Variants in SNX17 observed in about 807,000 individuals in gnomAD.
SNX17 encodes sorting nexin-17.
Under a neutral mutation model 64.3 loss-of-function variants are expected in SNX17, and 35 were observed. That is an observed-to-expected ratio of 0.54 (90% CI 0.42 to 0.72). SNX17 has a LOEUF of 0.72. Ranked by LOEUF, SNX17 falls within the 30% of genes least tolerant of loss-of-function variation. The pLI is 0.00. For missense variants in SNX17, 538 were observed against 610.0 expected, an observed-to-expected ratio of 0.88 and a Z score of 1.24; for synonymous variants, 259 against 230.2, an observed-to-expected ratio of 1.13 and a Z score of -1.13.
rs908953940 is a variant in SNX17 at position 27,370,736 on chromosome 2, T to A, written c.-8T>A. 3 of 1,548,112 alleles carry A rather than the reference T, an allele frequency of 1.9e-6. No individual in the cohort carries two copies. Among genetic ancestry groups the A allele is most frequent in the Non-Finnish European group, 2.6e-6 (3 of 1,145,678 alleles). On this transcript the variant is annotated 5_prime_UTR_variant, in exon 1 of 15. Transcript: ENST00000233575. ...TCCGGAGCCCGGCCGTGCCGTGCCG[T>A]AGGGAACATGCACTTTTCCATTCCC... is the stretch of plus-strand genomic sequence containing the variant.
At chr2:27,372,889 G>C (rs1528533) in intron 3 of SNX17, 149 bp downstream of exon 3, 497,567 of 1,242,830 alleles carry the variant, frequency 0.4, 105,222 homozygotes, top group African/African-American at 0.65. Context: ...AGTAAATAGT[G>C]TACGAGGATG....
At chr2:27,374,007 T>C in intron 5 of SNX17, 36 bp downstream of exon 5, 1 of 1,605,056 alleles carries the variant, frequency 6.2e-7, no homozygotes, top group South Asian at 1.1e-5. Flanking sequence ...CTTCTTCCCC[T>C]ACATCCTGGG....
In SNX17 at chr2:27,375,892, G is replaced by A. The variant is rs139268412; in HGVS notation, c.1025G>A (p.Gly342Asp). 1.2e-6 allele frequency: 2 copies of A among 1,614,070 alleles called. No homozygotes were observed. The highest frequency in any genetic ancestry group is 1.3e-5 in the African/African-American group (1 of 74,918). Residue 342 changes from glycine (G) to aspartate (D), a missense_variant, in exon 11 of 15, where the codon GGT (glycine) becomes GAT (aspartate). Transcript: ENST00000233575. The surrounding 1 kb of genome is among the most constrained non-coding windows in gnomAD (Gnocchi z 4.1). ...ACGAGCAGCCCAGGCCGGGGCCGGGGTGAGGTGCGCCTGGAACTGGCTTTT... is the reference window on the plus strand; with the variant it reads ...ACGAGCAGCCCAGGCCGGGGCCGGGATGAGGTGCGCCTGGAACTGGCTTTT... ...GSTSSPGRGR[G>D]EVRLELAFEY... is the part of the protein sequence containing the mutation.
intron 2 of SNX17, among the ~76,000 whole-genome samples, chr2:27,372,347 A>G (rs560193758): frequency 6.6e-6 from 1 of 152,306 alleles, no homozygotes; most frequent in East Asian, 1.9e-4. Flanking sequence ...TAGGTGGTCA[A>G]GGGGCTCCCT....
In SNX17 at chr2:27,375,471, TC is replaced by T. The variant is rs763292613; in HGVS notation, c.775-33del. 1.2e-6 allele frequency: 2 copies of T among 1,612,532 alleles called. No homozygotes were observed. The highest frequency in any genetic ancestry group is 2.2e-5 in the South Asian group (2 of 91,054). ...TTTTTCTGAGCTGCCCCATTCTCCC[TC>T]CTAATCTACCCCCATGTGATGACCA... On this transcript the variant is annotated intron_variant, in intron 9 of 14. Coordinates refer to ENST00000233575, the MANE Select transcript of SNX17 (RefSeq NM_014748.4). The surrounding 1 kb of genome is among the most constrained non-coding windows in gnomAD (Gnocchi z 4.1).
At chr2:27,376,554 T>TGGGGGATCTTGCAC in intron 14 of SNX17, 34 bp downstream of exon 14, 5 of 1,614,168 alleles carry the variant, frequency 3.1e-6, no homozygotes, top group Non-Finnish European at 4.2e-6. Context: ...TGCTGTTTGT[T>TGGGGGATCTTGCAC]GGGGGATCTT....
rs1482296643 is a variant in SNX17 at position 27,377,246 on chromosome 2, T to C, written c.*527T>C. On this transcript the variant is annotated 3_prime_UTR_variant, in exon 15 of 15. Coordinates refer to ENST00000233575, the MANE Select transcript of SNX17 (RefSeq NM_014748.4). The surrounding 1 kb of genome is among the most constrained non-coding windows in gnomAD (Gnocchi z 4.4). ...AGCATAGACATGGCTTTGTTAGTGT[T>C]TCCTTTATTATAAAGCACTGAAATA... 55 of 562,246 alleles carry C rather than the reference T, an allele frequency of 9.8e-5. No homozygotes were observed. In the Admixed American group the frequency reaches 1.6e-3, roughly 16 times the overall value. The allele number at this position is 562,246 out of a possible 1,614,324, so 34.8% of individuals were successfully genotyped here.
chr2:27,374,394 G>A lies in SNX17; in HGVS notation c.572G>A (p.Ser191Asn). The A allele has an allele frequency of 6.2e-7, 1 of 1,613,878 alleles. No homozygotes were observed. Among genetic ancestry groups the A allele is most frequent in the Non-Finnish European group, 8.5e-7 (1 of 1,180,014 alleles). The change falls in exon 7 of 15, where the codon AGC becomes AAC. Residue 191 changes from serine to asparagine, a missense_variant. Ser to Asn is a conservative substitution (Grantham distance 46, BLOSUM62 1). Around this residue, in one of 3 missense-constraint regions of SNX17, gnomAD observed 505 missense variants for 550.4 expected, o/e 0.92. Transcript: ENST00000233575. ...GAGCTGCCTTATGTGTCTGTCACCAGCCTTCGGAGTCAAGAGTATAAGATT... is the reference window on the plus strand; with the variant it reads ...GAGCTGCCTTATGTGTCTGTCACCAACCTTCGGAGTCAAGAGTATAAGATT... ...EFELPYVSVTSLRSQEYKIVL... is the reference protein window; with the variant it reads ...EFELPYVSVTNLRSQEYKIVL...
rs775077129 is a variant in SNX17, at chr2:27,374,405, C to G, written c.583C>G (p.Gln195Glu). The G allele has an allele frequency of 6.2e-7, 1 of 1,613,288 alleles. No individual in the cohort carries two copies. Among genetic ancestry groups the G allele is most frequent in the Admixed American group, 1.7e-5 (1 of 59,924 alleles). ...TGTGTCTGTCACCAGCCTTCGGAGT[C>G]AAGAGTATAAGATTGTGCTAAGGAA... ...PYVSVTSLRSQEYKIVLRKSY... is the reference protein window; with the variant it reads ...PYVSVTSLRSEEYKIVLRKSY... The change falls in exon 7 of 15, where the codon CAA (glutamine) becomes GAA (glutamate). Residue 195 changes from glutamine (Q) to glutamate (E), a missense_variant. By Grantham distance (29) the Gln-to-Glu change is conservative (BLOSUM62 2). Coordinates refer to ENST00000233575, the MANE Select transcript of SNX17 (RefSeq NM_014748.4).
Position 27,375,613 on chromosome 2 carries a change from C to T in SNX17, c.882C>T (p.Asn294=). 1 of 1,614,218 alleles carries T rather than the reference C, an allele frequency of 6.2e-7. No individual in the cohort carries two copies. The highest frequency in any genetic ancestry group is 1.1e-5 in the South Asian group (1 of 91,090). Residue 294 remains asparagine (N), a synonymous_variant, in exon 10 of 15, where the codon AAC becomes AAT. Transcript: ENST00000233575. This position sits in a 1 kb window ranked among gnomAD's most constrained non-coding sequence, Gnocchi z 4.1. Reference sequence around the variant, plus strand: ...GTCCTGTGGTGGTGAGCGCGGGCAACAGTGAGCTCAGCCTGCAGCTCCGCC... The same window carrying T: ...GTCCTGTGGTGGTGAGCGCGGGCAATAGTGAGCTCAGCCTGCAGCTCCGCC... ...KDCPVVVSAG[N]SELSLQLRLP... is the part of the protein sequence containing the mutation.
At position 27,374,732 on chromosome 2, in the gene SNX17, G is replaced by C. The variant is rs201646831; in HGVS notation, c.655G>C (p.Val219Leu). ...TGATGACGATGTCATGGAGAACCGG[G>C]TTGGCCTGAACCTGCTTTATGCTCA... The part of the protein sequence containing the change: ...AYDDDVMENR[V>L]GLNLLYAQTV... The change falls in exon 8 of 15, where the codon GTT (valine) becomes CTT (leucine). Residue 219 changes from valine to leucine, a missense_variant. Physicochemically the swap from Val to Leu is conservative, Grantham distance 32. This residue lies in a region of SNX17 where 505 missense variants were observed against 550.4 expected (regional missense o/e 0.92). Transcript: ENST00000233575. The C allele has an allele frequency of 6.2e-7, 1 of 1,614,116 alleles. No homozygotes were observed.
Position 27,370,655 on chromosome 2 carries a change from CG to C in SNX17, c.-85del. On this transcript the variant is annotated 5_prime_UTR_variant, in exon 1 of 15. The change abolishes the stop of an existing upstream ORF in the 5' untranslated region. Transcript: ENST00000233575. ...GCTCCCAAAATGGCGAGTGAGGCTGCGGGGACTCGCTGAGCAGCGGAGGGGG... is the reference window on the plus strand; with the variant it reads ...GCTCCCAAAATGGCGAGTGAGGCTGCGGGACTCGCTGAGCAGCGGAGGGGG... 1 of 1,470,328 alleles carries C rather than the reference CG, an allele frequency of 6.8e-7. No individual in the cohort carries two copies. The allele number at this position is 1,470,328 out of a possible 1,614,324, so 91.1% of individuals were successfully genotyped here.
At position 27,377,120 on chromosome 2, in the gene SNX17, T is replaced by G; in HGVS notation, c.*401T>G. The G allele has an allele frequency of 2.5e-6, 1 of 407,634 alleles. No homozygotes were observed. The allele number at this position is 407,634 out of a possible 1,614,324, so 25.3% of individuals were successfully genotyped here. ...TCCCCATCATTAAACTCAGCCTGAC[T>G]GCTGCCTACCTCTGGTTCCCTCTCA... On this transcript the variant is annotated 3_prime_UTR_variant, in exon 15 of 15. Transcript: ENST00000233575. The surrounding 1 kb of genome is among the most constrained non-coding windows in gnomAD (Gnocchi z 4.4).
chr2:27,373,727 G>A, intron 4 of SNX17, 134 bp from the exon 5 acceptor site: 1 of 656,322 alleles, frequency 1.5e-6, no homozygotes, highest in Non-Finnish European at 2.7e-6. Flanking sequence ...CTATTCTTAT[G>A]AAATCAAAGA....
In SNX17 at chr2:27,376,332, G is replaced by T; in HGVS notation, c.1202G>T (p.Gly401Val). 6.2e-7 allele frequency: 1 copy of T among 1,612,272 alleles called. No individual in the cohort carries two copies. The highest frequency in any genetic ancestry group is 8.5e-7 in the Non-Finnish European group (1 of 1,178,710). ...CCCCAGATGCTGCGCCGGCGGGTGG[G>T]GGGTACTCTGAGACGCTCAGACAGC... ...SIRKMLRRRVGGTLRRSDSQQ... is the reference protein window; with the variant it reads ...SIRKMLRRRVVGTLRRSDSQQ... The change falls in exon 13 of 15, where the codon GGG (glycine) becomes GTG (valine). Residue 401 changes from glycine (G) to valine (V), a missense_variant. Gly to Val is a moderately radical substitution (Grantham distance 109). Transcript: ENST00000233575.
In SNX17 at chr2:27,377,442, C is replaced by A; in HGVS notation, c.*723C>A. Reference sequence around the variant, plus strand: ...CCCCCGCCCATGGGGTTGGGCTGGTCCTTATAGTGCCTACGTTAGTCTGTG... The same window carrying A: ...CCCCCGCCCATGGGGTTGGGCTGGTACTTATAGTGCCTACGTTAGTCTGTG... On this transcript the variant is annotated 3_prime_UTR_variant, in exon 15 of 15. Coordinates refer to ENST00000233575, the MANE Select transcript of SNX17 (RefSeq NM_014748.4). The surrounding 1 kb of genome is among the most constrained non-coding windows in gnomAD (Gnocchi z 4.4). 1 of 1,334,584 alleles carries A rather than the reference C, an allele frequency of 7.5e-7. No individual in the cohort carries two copies. Among genetic ancestry groups the A allele is most frequent in the South Asian group, 1.2e-5 (1 of 82,890 alleles). The allele number at this position is 1,334,584 out of a possible 1,614,324, so 82.7% of individuals were successfully genotyped here.
chr2:27,371,310 G>T lies in SNX17; in HGVS notation c.105G>T (p.Val35=). ...IHVNGVLHCR[V]RYSQLLGLHE... ...TGAATGGAGTCCTGCACTGTCGGGTGCGCTACAGCCAGCTCCTGGGGCTGC... is the reference window on the plus strand; with the variant it reads ...TGAATGGAGTCCTGCACTGTCGGGTTCGCTACAGCCAGCTCCTGGGGCTGC... Residue 35 remains valine (V), a synonymous_variant, in exon 2 of 15, where the codon GTG becomes GTT. Coordinates refer to ENST00000233575, the MANE Select transcript of SNX17 (RefSeq NM_014748.4). The T allele has an allele frequency of 3.1e-6, 5 of 1,613,312 alleles. No homozygotes were observed. The highest frequency in any genetic ancestry group is 1.1e-5 in the South Asian group (1 of 91,084).
At chr2:27,371,438 G>A in intron 2 of SNX17, 95 bp downstream of exon 2, 1 of 1,485,100 alleles carries the variant, frequency 6.7e-7, no homozygotes, top group Non-Finnish European at 8.9e-7. Flanking sequence ...GTTCCCGTAG[G>A]CTGTAGTTCC....
intron 7 of SNX17, 79 bp from the exon 8 acceptor site, chr2:27,374,610 G>A (rs1433702511): frequency 6.9e-7 from 1 of 1,446,598 alleles, no homozygotes; most frequent in African/African-American, 1.4e-5. Flanking sequence ...GATTGCTCCT[G>A]TTTTGCCCAT....
Sources: allele counts gnomAD v4.1 joint callset (sites outside exome capture counted in the v4.1 genomes callset), GRCh38; gene constraint gnomAD v4.1.1; regional missense constraint gnomAD v4.1.1; non-coding constraint Gnocchi (gnomAD v3.1); transcripts MANE v1.5; gene names NCBI Gene and HGNC (gene_info 2026-07-23, HGNC 2026-07-21).